Variants in ADGRF5 observed in about 807,000 individuals in gnomAD.
ADGRF5 encodes the protein adhesion G protein-coupled receptor F5.
Under a neutral mutation model 132.3 loss-of-function variants are expected in ADGRF5, and 75 were observed. The ratio of observed to expected loss-of-function variants is 0.57; its 90% CI spans 0.47 to 0.69. The LOEUF (loss-of-function observed/expected upper bound fraction) is 0.69. Ranked by LOEUF, ADGRF5 falls within the 30% of genes least tolerant of loss-of-function variation. The pLI is 0.00. For synonymous variants in ADGRF5, 629 were observed against 597.6 expected (o/e 1.05, Z -0.77); for missense variants, 1,516 against 1,630.6 (o/e 0.93, Z 1.21).
Position 46,854,019 on chromosome 6 carries a change from T to A in ADGRF5, c.4014A>T (p.Ser1338=). Residue 1338 remains serine, a synonymous_variant, in exon 21 of 21, where the codon TCA becomes TCT. Transcript: ENST00000283296. ...AGTTGAGCAACGAAGAAGCACTGGA[T>A]GAGTTTTCCAGGGATGAGCTGGTTG... ...PEATSSSLEN[S]SSASSLLN The A allele has an allele frequency of 6.2e-7, 1 of 1,606,040 alleles. No homozygotes were observed. Among genetic ancestry groups the A allele is most frequent in the Non-Finnish European group, 8.5e-7 (1 of 1,177,110 alleles).
intron 1 of ADGRF5, among the ~76,000 whole-genome samples, chr6:46,948,568 C>T (rs1220686886): frequency 6.6e-6 from 1 of 150,658 alleles, no homozygotes; most frequent in African/African-American, 2.4e-5. Flanking sequence ...TTTTTTAAAA[C>T]AAAATATTCT....
At chr6:46,854,591 C>T (rs1309471645) in intron 20 of ADGRF5, 18 of 485,926 alleles carry the variant, frequency 3.7e-5, no homozygotes, top group South Asian at 2.8e-4. Context: ...TGAGAATCAG[C>T]GCAGCAAGGA....
rs151336660 is a variant in ADGRF5, at chr6:46,939,162, G to A, written c.-25+15572C>T. 4.4e-4 allele frequency among the ~76,000 whole-genome samples: 67 copies of A among 152,294 alleles called. No homozygotes were observed. In the East Asian group the frequency reaches 0.011, roughly 26 times the overall value. On this transcript the variant is annotated intron_variant, in intron 1 of 20. Transcript: ENST00000265417. ...TGGGATTACAGGCGTGAGCCACCAC[G>A]CCCAGCCTTTTCTGATTACATAAAA...
At chr6:46,892,438 A>G (rs535754744) in intron 3 of ADGRF5, among the ~76,000 whole-genome samples, 14 of 152,338 alleles carry the variant, frequency 9.2e-5, no homozygotes, top group African/African-American at 3.4e-4. Context: ...ATTTTATTCA[A>G]CATAATAAAT....
chr6:46,917,366 C>T (rs1199358676), intron 1 of ADGRF5, among the ~76,000 whole-genome samples: 1 of 152,214 alleles, frequency 6.6e-6, no homozygotes, highest in Non-Finnish European at 1.5e-5. Flanking sequence ...CACTTTTCAG[C>T]ACTGTGTGTT....
rs560886905 is a variant in ADGRF5, at chr6:46,878,129, C to T, written c.1240+73G>A. On this transcript the variant is annotated intron_variant, in intron 10 of 20. Transcript: ENST00000283296. ...GCCATCTGACATTTCCCCTTCCATA[C>T]GCCACATCTCCCATTTCTACTTGGC... The T allele has an allele frequency of 1.1e-4, 102 of 930,908 alleles. No individual in the cohort carries two copies. In the African/African-American group the frequency reaches 1.3e-3, roughly 12 times the overall value. The allele number at this position is 930,908 out of a possible 1,614,324, so 57.7% of individuals were successfully genotyped here. A position where few individuals can be genotyped will look rare whatever the true frequency, so the allele number is the denominator to read the frequency against.
At chr6:46,866,109 T>G (rs1770394171) in intron 13 of ADGRF5, among the ~76,000 whole-genome samples, 1 of 152,142 alleles carries the variant, frequency 6.6e-6, no homozygotes, top group Non-Finnish European at 1.5e-5. Flanking sequence ...TTTTTTTTCT[T>G]TTTTTGCTGG....
chr6:46,925,614 G>T (rs1196650870), upstream of ADGRF5, among the ~76,000 whole-genome samples: 1 of 152,174 alleles, frequency 6.6e-6, no homozygotes, highest in Non-Finnish European at 1.5e-5. Context: ...AAAATTAGCA[G>T]GGCGTGTTGG....
At chr6:46,857,265 T>C (rs1279710205) in intron 17 of ADGRF5, among the ~76,000 whole-genome samples, 2 of 152,174 alleles carry the variant, frequency 1.3e-5, no homozygotes, top group Non-Finnish European at 2.9e-5. Flanking sequence ...AAATGAGGCA[T>C]ATCATGAAGG....
At chr6:46,912,181 C>T (rs1036397136) in intron 1 of ADGRF5, among the ~76,000 whole-genome samples, 1 of 152,134 alleles carries the variant, frequency 6.6e-6, no homozygotes, top group Admixed American at 6.5e-5. Context: ...AAGTCTAACT[C>T]AAGAGCCCAT....
In ADGRF5 at chr6:46,875,651, C is replaced by T. The variant is rs1471950502; in HGVS notation, c.1240+2551G>A. ...AATTAGCAGGGTGTGGTGGCAGGCA[C>T]CTATAATCCCAGCTACTCGGGAGGC... On this transcript the variant is annotated intron_variant, in intron 10 of 20. Transcript: ENST00000283296. Among the ~76,000 whole-genome samples, 3 of 152,042 alleles carry T rather than the reference C, an allele frequency of 2.0e-5. No individual in the cohort carries two copies. In the East Asian group the frequency reaches 5.8e-4, roughly 29 times the overall value.
chr6:46,929,927 T>A (rs1423900340), intron 1 of ADGRF5, among the ~76,000 whole-genome samples: 1 of 152,124 alleles, frequency 6.6e-6, no homozygotes, highest in African/African-American at 2.4e-5. Flanking sequence ...ATCAAGCAAT[T>A]CTCCTGTCTC....
intron 3 of ADGRF5, among the ~76,000 whole-genome samples, chr6:46,895,864 C>A (rs568980324): frequency 2.0e-5 from 3 of 151,968 alleles, no homozygotes; most frequent in Middle Eastern, 3.4e-3. Context: ...AGTTTGTCTG[C>A]AAACCTCCAA....
At chr6:46,927,220 A>G (rs1777295547) in intron 1 of ADGRF5, among the ~76,000 whole-genome samples, 1 of 150,352 alleles carries the variant, frequency 6.7e-6, no homozygotes, top group African/African-American at 2.5e-5. Context: ...TAATGCCAAA[A>G]CCACTAGACA....
chr6:46,947,652 G>T (rs1426970040), intron 1 of ADGRF5, among the ~76,000 whole-genome samples: 1 of 152,238 alleles, frequency 6.6e-6, no homozygotes, highest in East Asian at 1.9e-4. Flanking sequence ...CACAGGCTTT[G>T]TGGAAGGAAA....
intron 1 of ADGRF5, among the ~76,000 whole-genome samples, chr6:46,935,662 T>C (rs1389254406): frequency 2.6e-5 from 4 of 152,212 alleles, no homozygotes; most frequent in Non-Finnish European, 5.9e-5. Flanking sequence ...AAGGGGAAGC[T>C]AATGTTGCCT....
At chr6:46,905,369 G>A (rs1341921460) in intron 2 of ADGRF5, 2 of 151,986 alleles carry the variant, frequency 1.3e-5, no homozygotes, top group African/African-American at 4.8e-5. Flanking sequence ...AAAAGACAAA[G>A]ATAACCTAGG....
intron 15 of ADGRF5, 33 bp downstream of exon 15, chr6:46,862,855 C>T (rs1195233190): frequency 3.5e-6 from 5 of 1,441,974 alleles, no homozygotes; most frequent in Non-Finnish European, 4.9e-6. Flanking sequence ...GATCGCCCCA[C>T]CAAGAGCTCA....
At chr6:46,937,819 G>A (rs1413925357) in intron 1 of ADGRF5, among the ~76,000 whole-genome samples, 2 of 152,152 alleles carry the variant, frequency 1.3e-5, no homozygotes, top group Non-Finnish European at 2.9e-5. Context: ...GCTACTAAGT[G>A]ACCAATGGTC....
Sources: allele counts gnomAD v4.1 joint callset (sites outside exome capture counted in the v4.1 genomes callset), GRCh38; gene constraint gnomAD v4.1.1; transcripts MANE v1.5; gene names NCBI Gene and HGNC (gene_info 2026-07-23, HGNC 2026-07-21).